ZFAT: variants seen among roughly 807,000 people sequenced by gnomAD.
ZFAT encodes the protein zinc finger protein ZFAT.
ZFAT carries 64 observed loss-of-function variants against 117.7 expected under a neutral mutation model. The ratio of observed to expected loss-of-function variants is 0.54; its 90% CI spans 0.44 to 0.67. ZFAT has a LOEUF of 0.67. Ranked by LOEUF, ZFAT falls within the 30% of genes least tolerant of loss-of-function variation. The pLI, the probability that ZFAT is intolerant of heterozygous loss-of-function variation, is 0.00. For missense variants in ZFAT, 1,433 were observed against 1,584.5 expected, an observed-to-expected ratio of 0.90 and a Z score of 1.62; for synonymous variants, 679 against 615.0, an observed-to-expected ratio of 1.10 and a Z score of -1.54.
intron 1 of ZFAT, among the ~76,000 whole-genome samples, chr8:134,695,565 C>T (rs984749836): frequency 6.6e-6 from 1 of 150,836 alleles, no homozygotes; most frequent in African/African-American, 2.4e-5. Context: ...ACCACCACCC[C>T]CAGGCCCAGG....
chr8:134,519,391 C>T (rs1311733347), intron 13 of ZFAT, among the ~76,000 whole-genome samples: 2 of 152,228 alleles, frequency 1.3e-5, no homozygotes, highest in East Asian at 3.9e-4. Context: ...TTTCCTGTAT[C>T]AAATGGGGGT....
chr8:134,532,668 A>G (rs752706853), intron 12 of ZFAT, among the ~76,000 whole-genome samples, 166 bp downstream of exon 12: 3 of 152,270 alleles, frequency 2.0e-5, no homozygotes, highest in Non-Finnish European at 2.9e-5. Context: ...ATGCTGACAA[A>G]CAATGATAAG....
chr8:134,806,459 T>G, the ZFAT span, among the ~76,000 whole-genome samples: 1 of 152,302 alleles, frequency 6.6e-6, no homozygotes, highest in East Asian at 1.9e-4. Context: ...CTATTCAAAC[T>G]GTACTACAAC....
At chr8:134,617,439 C>T (rs1828825186) in intron 3 of ZFAT, among the ~76,000 whole-genome samples, 1 of 152,134 alleles carries the variant, frequency 6.6e-6, no homozygotes, top group African/African-American at 2.4e-5. Flanking sequence ...CATAATGTCC[C>T]AGCTAGTATT....
At chr8:134,584,139 C>A in intron 9 of ZFAT, 134 bp from the exon 10 acceptor site, 2 of 1,005,238 alleles carry the variant, frequency 2.0e-6, no homozygotes, top group Non-Finnish European at 2.8e-6. Context: ...GTTTTGAACA[C>A]AGCAGTATAC....
At chr8:134,786,525 G>A in the ZFAT span, among the ~76,000 whole-genome samples, 1 of 152,212 alleles carries the variant, frequency 6.6e-6, no homozygotes, top group African/African-American at 2.4e-5. Context: ...ATAGTAACAT[G>A]CCTTTTCTCT....
At chr8:134,574,360 G>A (rs1350148164) in intron 10 of ZFAT, among the ~76,000 whole-genome samples, 1 of 152,062 alleles carries the variant, frequency 6.6e-6, no homozygotes, top group Non-Finnish European at 1.5e-5. Context: ...GCTGTGGGCA[G>A]GCCACCGTGG....
chr8:134,818,554 A>C, the ZFAT span, among the ~76,000 whole-genome samples: 2 of 152,232 alleles, frequency 1.3e-5, no homozygotes, highest in Non-Finnish European at 2.9e-5. Context: ...GTAGGTATAG[A>C]ACATATAGCT....
intron 1 of ZFAT, among the ~76,000 whole-genome samples, chr8:134,701,144 C>T (rs552499976): frequency 1.5e-4 from 23 of 152,268 alleles, no homozygotes; most frequent in African/African-American, 4.8e-5. Context: ...CTTACAAAAC[C>T]GAAACTCTAT....
intron 13 of ZFAT, among the ~76,000 whole-genome samples, chr8:134,515,179 T>C (rs1820164223): frequency 6.6e-6 from 1 of 152,246 alleles, no homozygotes; most frequent in African/African-American, 2.4e-5. Context: ...GGTGTATGTG[T>C]ACTGAATTTT....
At chr8:134,649,227 C>A (rs1259109541) in intron 2 of ZFAT, among the ~76,000 whole-genome samples, 2 of 147,688 alleles carry the variant, frequency 1.4e-5, no homozygotes, top group Non-Finnish European at 3.0e-5. Context: ...TGGTAAAAGA[C>A]TGGATACTTT....
At chr8:134,681,886 A>G (rs1833087290) in intron 1 of ZFAT, among the ~76,000 whole-genome samples, 1 of 152,244 alleles carries the variant, frequency 6.6e-6, no homozygotes, top group South Asian at 2.1e-4. Flanking sequence ...CGGAATCAAT[A>G]AAGTCTCATA....
chr8:134,642,192 G>T (rs1348255192), intron 2 of ZFAT, among the ~76,000 whole-genome samples: 1 of 152,166 alleles, frequency 6.6e-6, no homozygotes, highest in Non-Finnish European at 1.5e-5. Flanking sequence ...CTGGAATTTG[G>T]GTTTCCTTAT....
chr8:134,726,742 C>G, the ZFAT span, among the ~76,000 whole-genome samples: 1 of 152,096 alleles, frequency 6.6e-6, no homozygotes, highest in African/African-American at 2.4e-5. Flanking sequence ...GCTGGGACCG[C>G]AGGTGAACGC....
rs148461585 is a variant in ZFAT at position 134,604,245 on chromosome 8, C to T, written c.786-1312G>A. On this transcript the variant is annotated intron_variant, in intron 5 of 15. Transcript: ENST00000377838. ...TACAGATGAGAAAACTGAGTATTTG[C>T]CCCATGTTGTACAGTTAGTAAGTGG... is the stretch of plus-strand genomic sequence containing the variant. Among the ~76,000 whole-genome samples, 451 of 152,264 alleles carry T rather than the reference C, an allele frequency of 3.0e-3. 1 individual carries two copies. The highest frequency in any genetic ancestry group is 0.01 in the African/African-American group (430 of 41,528).
chr8:134,778,887 A>G, the ZFAT span, among the ~76,000 whole-genome samples: 1 of 152,206 alleles, frequency 6.6e-6, no homozygotes, highest in Admixed American at 6.5e-5. Context: ...TGTTCAGGCT[A>G]GTGGCCAGAG....
intron 1 of ZFAT, among the ~76,000 whole-genome samples, chr8:134,683,446 G>T (rs941137101): frequency 4.6e-5 from 7 of 152,214 alleles, no homozygotes; most frequent in South Asian, 2.1e-4. Flanking sequence ...ACAGAAGCAC[G>T]TGTGGAGAAG....
chr8:134,538,607 G>T (rs1169806079), intron 11 of ZFAT, among the ~76,000 whole-genome samples: 3 of 151,992 alleles, frequency 2.0e-5, no homozygotes, highest in Non-Finnish European at 2.9e-5. Flanking sequence ...GACCAGCCTG[G>T]GTAACATGGC....
At chr8:134,713,163 T>G (rs940121295), upstream of ZFAT, 1 of 304,520 alleles carries the variant, frequency 3.3e-6, no homozygotes, top group Non-Finnish European at 6.0e-6. Flanking sequence ...TCGGAGGCCG[T>G]GCTTTTTATC....
Sources: gnomAD v4.1 joint callset for allele counts (sites outside exome capture counted in the v4.1 genomes callset) on GRCh38, gnomAD v4.1.1 for gene constraint, MANE v1.5 for transcripts, NCBI Gene and HGNC (gene_info 2026-07-23, HGNC 2026-07-21) for gene names.